The following NDE1 variants were observed in gnomAD, a reference collection of about 807,000 sequenced individuals.
NDE1 encodes nudE neurodevelopment protein 1.
In NDE1, 28 loss-of-function variants were observed where a neutral mutation model predicts 43.4. The observed-to-expected ratio is 0.65, with a 90% CI of 0.48 to 0.89. NDE1 has a LOEUF of 0.89. NDE1 is among the 40% of genes least tolerant of loss of function. The pLI, the probability that NDE1 is intolerant of heterozygous loss-of-function variation, is 0.00. For missense variants in NDE1, 441 were observed against 434.1 expected, an observed-to-expected ratio of 1.02 and a Z score of -0.14; for synonymous variants, 184 against 172.0, an observed-to-expected ratio of 1.07 and a Z score of -0.55.
intron 8 of NDE1, chr16:15,717,794 C>CA (rs200605550): frequency 2.4e-4 from 61 of 254,240 alleles, no homozygotes; most frequent in East Asian, 8.9e-4. Flanking sequence ...ACCCTGTCTC[C>CA]AAAAAAAAGA....
chr16:15,682,122 G>GT (rs1354033741), intron 4 of NDE1, among the ~76,000 whole-genome samples: 16 of 152,164 alleles, frequency 1.1e-4, no homozygotes, highest in African/African-American at 3.9e-4. Flanking sequence ...ATAGTTTAGT[G>GT]TTAAAAATCG....
At chr16:15,706,574 G>T (rs576282335) in intron 8 of NDE1, among the ~76,000 whole-genome samples, 1 of 152,216 alleles carries the variant, frequency 6.6e-6, no homozygotes, top group South Asian at 2.1e-4. Flanking sequence ...GTGCGTGGTG[G>T]CAGGCGCCTG....
chr16:15,654,193 A>G (rs184931514), intron 1 of NDE1, among the ~76,000 whole-genome samples: 48 of 152,312 alleles, frequency 3.2e-4, no homozygotes, highest in African/African-American at 1.1e-3. Flanking sequence ...AACGCAGGTT[A>G]GTGGCACACA....
rs113302393 is a variant in NDE1 at position 15,724,329 on chromosome 16, C to T, written c.*78C>T. The T allele has an allele frequency of 2.0e-4, 322 of 1,614,166 alleles. 1 individual carries two copies. In the Middle Eastern group the frequency reaches 2.8e-3, roughly 14 times the overall value. On this transcript the variant is annotated 3_prime_UTR_variant, in exon 9 of 9. Transcript: ENST00000396354. Reference sequence around the variant, plus strand: ...ACTGCTGGGTGAGGTTCTCGATCTCCTTCTGGAACCTCTTCTTCCCCTCTT... The same window carrying T: ...ACTGCTGGGTGAGGTTCTCGATCTCTTTCTGGAACCTCTTCTTCCCCTCTT...
intron 8 of NDE1, 64 bp downstream of exon 8, chr16:15,696,924 C>T (rs769141448): frequency 2.8e-5 from 45 of 1,593,378 alleles, no homozygotes; most frequent in Non-Finnish European, 3.8e-5. Flanking sequence ...GCAAGAGACA[C>T]TCACCCCCAG....
intron 8 of NDE1, chr16:15,719,126 T>C: frequency 7.8e-7 from 1 of 1,282,006 alleles, no homozygotes; most frequent in Non-Finnish European, 1.1e-6. Context: ...AAACTCTGTC[T>C]CGAAAAAATT....
chr16:15,716,356 G>T (rs927639108), intron 8 of NDE1, among the ~76,000 whole-genome samples: 3 of 152,160 alleles, frequency 2.0e-5, no homozygotes, highest in Non-Finnish European at 2.9e-5. Flanking sequence ...TGCAGGGCGT[G>T]CGAATTACTG....
In NDE1 at chr16:15,714,706, G is replaced by T. The variant is rs2040017965; in HGVS notation, c.948-9485G>T. 3 of 666,804 alleles carry T rather than the reference G, an allele frequency of 4.5e-6. No homozygotes were observed. The East Asian group carries it at 7.8e-5, about 17-fold the overall frequency. 41.3% of individuals were successfully genotyped at this position (666,804 alleles called of 1,614,324 possible). A position where few individuals can be genotyped will look rare whatever the true frequency, so the allele number is the denominator to read the frequency against. ...CGTTAAAGGATCTAGAAGGTTAGCT[G>T]CTACCAGGCAAGGCAGGGCCCGGGT... On this transcript the variant is annotated intron_variant, in intron 8 of 8. Transcript: ENST00000396354.
At chr16:15,704,911 T>C (rs374658888) in intron 8 of NDE1, among the ~76,000 whole-genome samples, 1 of 152,304 alleles carries the variant, frequency 6.6e-6, no homozygotes, top group East Asian at 1.9e-4. Context: ...ACTCCTGAGC[T>C]CAAGCAGTTC....
Position 15,725,358 on chromosome 16 carries a change from C to T in NDE1, c.*1107C>T. 1.8e-6 allele frequency: 1 copy of T among 558,626 alleles called. No homozygotes were observed. Among genetic ancestry groups the T allele is most frequent in the Non-Finnish European group, 3.1e-6 (1 of 318,118 alleles). The allele number at this position is 558,626 out of a possible 1,614,324, so 34.6% of individuals were successfully genotyped here. A position where few individuals can be genotyped will look rare whatever the true frequency, so the allele number is the denominator to read the frequency against. ...CAGGTCTGAGAGTCCAGACGAGGTG[C>T]TCTGGCTGGTCCACTCTCTAAGGCT... On this transcript the variant is annotated 3_prime_UTR_variant, in exon 9 of 9. Coordinates refer to ENST00000396354, the MANE Select transcript of NDE1 (RefSeq NM_017668.3).
chr16:15,721,217 T>C lies in NDE1; in HGVS notation c.948-2974T>C, dbSNP rs766478134. 1.5e-4 allele frequency: 143 copies of C among 950,880 alleles called. 1 individual carries two copies. The highest frequency in any genetic ancestry group is 2.2e-4 in the Non-Finnish European group (137 of 620,990). 58.9% of individuals were successfully genotyped at this position (950,880 alleles called of 1,614,324 possible). ...CCCCTGAGAGTTCAGACCCCAGCCT[T>C]ATCCTCGGACCCCCCAACTCAGACC... On this transcript the variant is annotated intron_variant, in intron 8 of 8. Transcript: ENST00000396354.
intron 8 of NDE1, chr16:15,699,866 G>C: frequency 7.6e-7 from 1 of 1,323,390 alleles, no homozygotes; most frequent in Non-Finnish European, 9.9e-7. Context: ...TGCGGAAGTC[G>C]TTACCTTTTG....
In NDE1 at chr16:15,660,394, G is replaced by GC. The variant is rs2036984021; in HGVS notation, c.-43-4340dup. Among the ~76,000 whole-genome samples the GC allele has an allele frequency of 2.0e-5, 3 of 152,018 alleles. No homozygotes were observed. The South Asian group carries it at 6.2e-4, about 32-fold the overall frequency. ...AGGCTGAGGCAGGAGGATCAGTGCC[G>GC]CCTAGGAGTTCAAAGATGCAGTGAG... On this transcript the variant is annotated intron_variant, in intron 1 of 8. Coordinates refer to ENST00000396354, the MANE Select transcript of NDE1 (RefSeq NM_017668.3).
At chr16:15,717,877 C>T (rs1449608342) in intron 8 of NDE1, 6 of 270,728 alleles carry the variant, frequency 2.2e-5, no homozygotes, top group African/African-American at 6.6e-5. Flanking sequence ...GTCCTGGAGT[C>T]GCCTGGAGAA....
At chr16:15,723,292 T>C (rs2054751096) in intron 8 of NDE1, among the ~76,000 whole-genome samples, 1 of 152,180 alleles carries the variant, frequency 6.6e-6, no homozygotes, top group Non-Finnish European at 1.5e-5. Flanking sequence ...TACTGACATC[T>C]GTAATTTGCT....
chr16:15,658,328 G>T (rs1013588121), intron 1 of NDE1, among the ~76,000 whole-genome samples: 2 of 152,206 alleles, frequency 1.3e-5, no homozygotes, highest in Admixed American at 6.5e-5. Context: ...GCCAATCATT[G>T]GCTCAGCATG....
chr16:15,662,960 A>C (rs890905206), intron 1 of NDE1, among the ~76,000 whole-genome samples: 6 of 152,184 alleles, frequency 3.9e-5, no homozygotes, highest in Admixed American at 3.3e-4. Context: ...CATGGCCACC[A>C]GGACCAGCTT....
chr16:15,723,813 C>G (rs772042843), intron 8 of NDE1, among the ~76,000 whole-genome samples: 1 of 152,156 alleles, frequency 6.6e-6, no homozygotes, highest in African/African-American at 2.4e-5. Flanking sequence ...AACTGAATTA[C>G]TTGGAATACT....
intron 8 of NDE1, 66 bp from the exon 9 acceptor site, chr16:15,724,125 C>G: frequency 1.2e-6 from 2 of 1,611,528 alleles, no homozygotes; most frequent in Non-Finnish European, 1.7e-6. Flanking sequence ...AACCCAGCGT[C>G]CATGGCCAGA....
Sources: allele counts gnomAD v4.1 joint callset (sites outside exome capture counted in the v4.1 genomes callset), GRCh38; gene constraint gnomAD v4.1.1; transcripts MANE v1.5; gene names NCBI Gene and HGNC (gene_info 2026-07-23, HGNC 2026-07-21).